The following NKAIN2 variants were observed in gnomAD, a reference collection of about 807,000 sequenced individuals.
The protein encoded by NKAIN2 is sodium/potassium-transporting ATPase subunit beta-1-interacting protein 2.
In NKAIN2, 14 loss-of-function variants were observed where a neutral mutation model predicts 32.6. The ratio of observed to expected loss-of-function variants is 0.43; its 90% CI spans 0.28 to 0.67. The LOEUF (loss-of-function observed/expected upper bound fraction) is 0.67, where lower values mean the gene tolerates loss of function less well. Ranked by LOEUF, NKAIN2 falls within the 30% of genes least tolerant of loss-of-function variation. The pLI is 0.17. For synonymous variants in NKAIN2, 80 were observed against 87.2 expected (o/e 0.92, Z 0.46); for missense variants, 198 against 258.3 (o/e 0.77, Z 1.60).
chr6:124,677,383 A>ATTGT (rs1219273563), intron 4 of NKAIN2, among the ~76,000 whole-genome samples: 1 of 151,962 alleles, frequency 6.6e-6, no homozygotes, highest in Non-Finnish European at 1.5e-5. Context: ...CATTTTGTTA[A>ATTGT]TTGTTTTCTC....
chr6:123,893,228 T>A (rs2114381649), intron 1 of NKAIN2, among the ~76,000 whole-genome samples: 1 of 152,176 alleles, frequency 6.6e-6, no homozygotes, highest in Non-Finnish European at 1.5e-5. Flanking sequence ...TAAGACCAGG[T>A]CTCACCCTGT....
rs1036385097 is a variant in NKAIN2 at position 124,822,780 on chromosome 6, C to T, written c.618-440C>T. Among the ~76,000 whole-genome samples, 9 of 148,982 alleles carry T rather than the reference C, an allele frequency of 6.0e-5. No homozygotes were observed. In the East Asian group the frequency reaches 2.2e-3, roughly 36 times the overall value. On this transcript the variant is annotated intron_variant, in intron 6 of 6. Transcript: ENST00000368417. ...CTCCAGCCCCGGCAACAGAGCTAGA[C>T]TTTGTCTAAAAAAAAAAAATCCCGT...
intron 1 of NKAIN2, among the ~76,000 whole-genome samples, chr6:124,218,888 G>A (rs1010979139): frequency 4.6e-5 from 7 of 152,198 alleles, no homozygotes; most frequent in African/African-American, 7.2e-5. Flanking sequence ...ATGAAGGAAA[G>A]AGGTTTAATT....
At chr6:124,359,165 G>A (rs938940608) in intron 3 of NKAIN2, among the ~76,000 whole-genome samples, 1 of 152,122 alleles carries the variant, frequency 6.6e-6, no homozygotes, top group Non-Finnish European at 1.5e-5. Context: ...ATGCTGTTTT[G>A]GTTACTGTAG....
chr6:124,270,407 C>T (rs180796188), intron 1 of NKAIN2, among the ~76,000 whole-genome samples: 1 of 152,018 alleles, frequency 6.6e-6, no homozygotes, highest in Admixed American at 6.5e-5. Flanking sequence ...GAAACTTTAT[C>T]AGCTTTTCAG....
intron 2 of NKAIN2, among the ~76,000 whole-genome samples, chr6:124,329,883 T>C (rs1797584859): frequency 6.6e-6 from 1 of 152,190 alleles, no homozygotes; most frequent in African/African-American, 2.4e-5. Flanking sequence ...AAACATTCTA[T>C]ATGGCCTCAG....
chr6:124,115,923 A>G (rs533802412), intron 1 of NKAIN2, among the ~76,000 whole-genome samples: 2 of 152,064 alleles, frequency 1.3e-5, no homozygotes, highest in Non-Finnish European at 2.9e-5. Flanking sequence ...TTAGTGTGCT[A>G]TGTATCTTTC....
chr6:124,665,366 G>A (rs1263749878), intron 4 of NKAIN2, among the ~76,000 whole-genome samples: 1 of 152,164 alleles, frequency 6.6e-6, no homozygotes, highest in African/African-American at 2.4e-5. Context: ...GTAATGGTCA[G>A]CTGATCTTCA....
chr6:123,816,845 C>T (rs1010408420), intron 1 of NKAIN2, among the ~76,000 whole-genome samples: 2 of 152,094 alleles, frequency 1.3e-5, no homozygotes, highest in Admixed American at 6.6e-5. Context: ...TGACGCAAGG[C>T]CCTTGATTGG....
At chr6:124,692,464 A>T (rs551515875) in intron 4 of NKAIN2, among the ~76,000 whole-genome samples, 3 of 152,148 alleles carry the variant, frequency 2.0e-5, no homozygotes, top group Non-Finnish European at 2.9e-5. Context: ...TTTTTTTCAC[A>T]GTCACTCAGA....
At chr6:124,566,084 A>G (rs941983915) in intron 3 of NKAIN2, among the ~76,000 whole-genome samples, 1 of 152,210 alleles carries the variant, frequency 6.6e-6, no homozygotes, top group African/African-American at 2.4e-5. Flanking sequence ...GATTTGCACC[A>G]ATTCCGATTA....
At chr6:123,874,134 C>G (rs1323161671) in intron 1 of NKAIN2, among the ~76,000 whole-genome samples, 1 of 152,116 alleles carries the variant, frequency 6.6e-6, no homozygotes, top group African/African-American at 2.4e-5. Context: ...CTGTGGCTGT[C>G]AGAACTGGCT....
intron 3 of NKAIN2, among the ~76,000 whole-genome samples, chr6:124,568,906 G>A (rs1229827362): frequency 1.3e-5 from 2 of 150,694 alleles, no homozygotes; most frequent in African/African-American, 2.4e-5. Flanking sequence ...ACTTTTAAAG[G>A]GTGAATATTT....
In NKAIN2 at chr6:124,122,904, A is replaced by G. The variant is rs945797966; in HGVS notation, c.55-160101A>G. Among the ~76,000 whole-genome samples the G allele has an allele frequency of 3.3e-5, 5 of 152,142 alleles. No homozygotes were observed. The East Asian group carries it at 7.7e-4, about 23-fold the overall frequency. On this transcript the variant is annotated intron_variant, in intron 1 of 6. Transcript: ENST00000368417. ...AAAACAGAAAGGAAATAAATATAAG[A>G]GAATTGCATAGAATTTTTAGAAATT...
intron 1 of NKAIN2, among the ~76,000 whole-genome samples, chr6:124,040,266 T>C (rs1241494341): frequency 2.6e-5 from 4 of 151,942 alleles, no homozygotes; most frequent in East Asian, 1.9e-4. Flanking sequence ...GATTTTGTTA[T>C]AGTTTTCTTA....
chr6:124,254,107 C>T (rs957340033), intron 1 of NKAIN2, among the ~76,000 whole-genome samples: 16 of 151,842 alleles, frequency 1.1e-4, no homozygotes, highest in African/African-American at 2.4e-4. Context: ...CGTGAGCCAC[C>T]GCTCCCGGCT....
intron 3 of NKAIN2, among the ~76,000 whole-genome samples, chr6:124,444,831 A>G (rs1775824843): frequency 6.6e-6 from 1 of 152,002 alleles, no homozygotes. Context: ...GAAATTTAAG[A>G]AATTGAATTT....
intron 4 of NKAIN2, among the ~76,000 whole-genome samples, chr6:124,663,888 C>G (rs528661302): frequency 8.5e-5 from 13 of 152,074 alleles, no homozygotes; most frequent in Non-Finnish European, 1.5e-5. Flanking sequence ...TAATGAAAAG[C>G]CTTCAATGCT....
intron 3 of NKAIN2, among the ~76,000 whole-genome samples, chr6:124,453,902 A>G (rs1038925939): frequency 1.5e-4 from 23 of 152,134 alleles, no homozygotes; most frequent in African/African-American, 5.5e-4. Flanking sequence ...AATTATGAAC[A>G]TGAGTTTATA....
Sources: gnomAD v4.1 joint callset for allele counts (sites outside exome capture counted in the v4.1 genomes callset) on GRCh38, gnomAD v4.1.1 for gene constraint, MANE v1.5 for transcripts, NCBI Gene and HGNC (gene_info 2026-07-23, HGNC 2026-07-21) for gene names.